NLGN4Y: variants seen among roughly 807,000 people sequenced by gnomAD.
NLGN4Y encodes the protein neuroligin-4, Y-linked.
In NLGN4Y, 4 loss-of-function variants were observed where a neutral mutation model predicts 8.4. The ratio of observed to expected loss-of-function variants is 0.48; its 90% CI spans 0.23 to 1.09. The LOEUF (loss-of-function observed/expected upper bound fraction) is 1.09. Among genes scored for constraint, NLGN4Y ranks in the 50% least tolerant of loss-of-function variants. The pLI is 0.19. For synonymous variants in NLGN4Y, 35 were observed against 75.6 expected, an observed-to-expected ratio of 0.46 and a Z score of 2.78; for missense variants, 90 against 192.3, an observed-to-expected ratio of 0.47 and a Z score of 3.15.
chrY:14,721,976 A>G, intron 3 of NLGN4Y, among the ~76,000 whole-genome samples: 1 of 33,661 alleles, frequency 3.0e-5, no homozygotes, highest in African/African-American at 1.2e-4. Context: ...CTATTTTTAT[A>G]TCATTGCTAA....
intron 6 of NLGN4Y, among the ~76,000 whole-genome samples, chrY:14,838,503 A>C: frequency 3.1e-5 from 1 of 32,666 alleles, no homozygotes; most frequent in Non-Finnish European, 7.5e-5. Context: ...ATACAGTATA[A>C]ACTCTGGTAC....
chrY:14,594,022 T>C (rs2080384356), intron 1 of NLGN4Y, among the ~76,000 whole-genome samples: 1 of 33,715 alleles, frequency 3.0e-5, no homozygotes, highest in African/African-American at 1.2e-4. Context: ...ACTGAGGAGA[T>C]GGGAGAAATA....
chrY:14,642,658 G>T, intron 2 of NLGN4Y, among the ~76,000 whole-genome samples: 1 of 32,886 alleles, frequency 3.0e-5, no homozygotes, highest in South Asian at 6.9e-4. Flanking sequence ...TGCAATCATA[G>T]TTCACTGAAG....
intron 2 of NLGN4Y, among the ~76,000 whole-genome samples, chrY:14,700,706 T>C: frequency 3.0e-5 from 1 of 33,428 alleles, no homozygotes; most frequent in African/African-American, 1.2e-4. Flanking sequence ...TATTTAAGGA[T>C]TCTGTGCTGC....
At chrY:14,560,241 G>A (rs1603499634) in intron 1 of NLGN4Y, among the ~76,000 whole-genome samples, 1 of 33,108 alleles carries the variant, frequency 3.0e-5, no homozygotes, top group African/African-American at 1.2e-4. Context: ...GCATTCAACC[G>A]GAAACCTTCA....
At chrY:14,809,073 G>A (rs2043067997) in intron 4 of NLGN4Y, among the ~76,000 whole-genome samples, 1 of 33,849 alleles carries the variant, frequency 3.0e-5, no homozygotes, top group Non-Finnish European at 7.3e-5. Context: ...GATATAAATT[G>A]TGAACAAAAT....
intron 2 of NLGN4Y, among the ~76,000 whole-genome samples, chrY:14,688,865 T>C: frequency 7.0e-5 from 2 of 28,599 alleles, no homozygotes; most frequent in South Asian, 1.5e-3. Flanking sequence ...ATATATATGA[T>C]AGGAGGTAAC....
At chrY:14,587,015 C>A (rs2150489175) in intron 1 of NLGN4Y, among the ~76,000 whole-genome samples, 1 of 33,211 alleles carries the variant, frequency 3.0e-5, no homozygotes, top group Non-Finnish European at 7.4e-5. Context: ...CGTGCCAGGT[C>A]AGAAGTACTA....
At chrY:14,676,318 A>G (rs2080748991) in intron 2 of NLGN4Y, among the ~76,000 whole-genome samples, 2 of 33,414 alleles carry the variant, frequency 6.0e-5, no homozygotes, top group Non-Finnish European at 1.5e-4. Flanking sequence ...CTATCCTTAC[A>G]ATTTTATGCT....
intron 2 of NLGN4Y, among the ~76,000 whole-genome samples, chrY:14,685,605 A>G: frequency 3.0e-5 from 1 of 33,081 alleles, no homozygotes; most frequent in East Asian, 8.2e-4. Flanking sequence ...TATGAGTCTC[A>G]ATTTCCTCAT....
intron 2 of NLGN4Y, among the ~76,000 whole-genome samples, chrY:14,682,165 C>T (rs987201158): frequency 3.0e-5 from 1 of 33,401 alleles, no homozygotes; most frequent in African/African-American, 1.2e-4. Context: ...TAACATCTAA[C>T]GTGGGTTATG....
intron 1 of NLGN4Y, among the ~76,000 whole-genome samples, chrY:14,591,307 G>A (rs1603500694): frequency 3.0e-5 from 1 of 33,279 alleles, no homozygotes; most frequent in South Asian, 6.8e-4. Context: ...TACTCCTAGA[G>A]TACTTGCCAA....
At chrY:14,708,063 TA>T (rs2080888256) in intron 2 of NLGN4Y, among the ~76,000 whole-genome samples, 1 of 33,633 alleles carries the variant, frequency 3.0e-5, no homozygotes. Context: ...ACCTTGCTTT[TA>T]CTGTCATCAC....
chrY:14,568,766 A>G, intron 1 of NLGN4Y, among the ~76,000 whole-genome samples: 1 of 32,774 alleles, frequency 3.1e-5, no homozygotes, highest in Non-Finnish European at 7.5e-5. Flanking sequence ...TTAAACATAT[A>G]TATATTTTTT....
intron 2 of NLGN4Y, among the ~76,000 whole-genome samples, chrY:14,632,104 T>G (rs1603501726): frequency 5.9e-5 from 2 of 34,077 alleles, no homozygotes; most frequent in East Asian, 1.5e-3. Context: ...AAACAGAACT[T>G]GACAATTTCA....
At chrY:14,839,227 A>T (rs2043207000) in intron 6 of NLGN4Y, among the ~76,000 whole-genome samples, 1 of 33,392 alleles carries the variant, frequency 3.0e-5, no homozygotes, top group Admixed American at 2.8e-4. Context: ...TACCATGCAC[A>T]ATCTCAATTT....
At chrY:14,603,027 T>C in intron 1 of NLGN4Y, among the ~76,000 whole-genome samples, 3 of 33,287 alleles carry the variant, frequency 9.0e-5, no homozygotes, top group African/African-American at 3.5e-4. Flanking sequence ...CCTGCACATT[T>C]ACCATGAAAA....
chrY:14,568,016 C>G, intron 1 of NLGN4Y, among the ~76,000 whole-genome samples: 1 of 31,565 alleles, frequency 3.2e-5, no homozygotes, highest in Non-Finnish European at 7.6e-5. Context: ...TACATGTGCA[C>G]TACGTGCAGG....
At chrY:14,749,634 T>C in intron 4 of NLGN4Y, among the ~76,000 whole-genome samples, 4 of 33,856 alleles carry the variant, frequency 1.2e-4, no homozygotes, top group Non-Finnish European at 2.9e-4. Context: ...GCTCATTGTG[T>C]AGTCTCTCCT....
Sources: allele counts gnomAD v4.1 joint callset (sites outside exome capture counted in the v4.1 genomes callset), GRCh38; gene constraint gnomAD v4.1.1; transcripts MANE v1.5; gene names NCBI Gene and HGNC (gene_info 2026-07-23, HGNC 2026-07-21).